The following KPNA7 variants were observed in gnomAD, a reference collection of about 807,000 sequenced individuals.
KPNA7 encodes the protein importin subunit alpha-8.
KPNA7 carries 54 observed loss-of-function variants against 53.7 expected under a neutral mutation model. The observed-to-expected ratio is 1.01, with a 90% CI of 0.81 to 1.26. KPNA7 has a LOEUF of 1.26. Ranked by LOEUF, KPNA7 falls within the 50% of genes most tolerant of loss-of-function variation. The pLI, the probability that KPNA7 is intolerant of heterozygous loss-of-function variation, is 0.00. For synonymous variants in KPNA7, 276 were observed against 259.3 expected, an observed-to-expected ratio of 1.06 and a Z score of -0.62; for missense variants, 640 against 644.5, an observed-to-expected ratio of 0.99 and a Z score of 0.07.
chr7:99,202,851 T>C (rs1790617402), intron 3 of KPNA7, among the ~76,000 whole-genome samples: 1 of 150,862 alleles, frequency 6.6e-6, no homozygotes, highest in South Asian at 2.1e-4. Context: ...TCTCAAAAAA[T>C]AAAAATAAAA....
At chr7:99,158,803 A>G in the KPNA7 span, among the ~76,000 whole-genome samples, 1 of 152,078 alleles carries the variant, frequency 6.6e-6, no homozygotes, top group Non-Finnish European at 1.5e-5. Flanking sequence ...CACTCAGCCC[A>G]GTTCTACTAT....
the KPNA7 span, among the ~76,000 whole-genome samples, chr7:99,163,381 A>ATTTTTTTTTTTTTTTTTTTT: frequency 1.7e-5 from 1 of 58,894 alleles, no homozygotes; most frequent in Non-Finnish European, 3.0e-5. Context: ...ATATATATAT[A>ATTTTTTTTTTTTTTTTTTTT]TATTTTTTTT....
At chr7:99,183,790 C>T (rs750441663) in intron 8 of KPNA7, among the ~76,000 whole-genome samples, 11 of 152,086 alleles carry the variant, frequency 7.2e-5, no homozygotes, top group Non-Finnish European at 1.3e-4. Context: ...AAGAAAAATG[C>T]CAAGGATAGT....
intron 3 of KPNA7, among the ~76,000 whole-genome samples, chr7:99,198,994 C>A (rs1790369825): frequency 1.2e-5 from 1 of 82,072 alleles, no homozygotes. Context: ...ATTTAATTTA[C>A]AACATAAAAA....
At chr7:99,173,079 A>AAAAAAAAG (rs1798800613), downstream of KPNA7, among the ~76,000 whole-genome samples, 1 of 150,760 alleles carries the variant, frequency 6.6e-6, no homozygotes, top group African/African-American at 2.5e-5. Context: ...AAAAAAAAAA[A>AAAAAAAAG]AAAAAGAAAA....
At chr7:99,193,165 A>G in intron 5 of KPNA7, 64 bp from the exon 6 acceptor site, 1 of 1,059,748 alleles carries the variant, frequency 9.4e-7, no homozygotes, top group Non-Finnish European at 1.3e-6. Flanking sequence ...GTGGGTGACT[A>G]ATTTTTTAAG....
At chr7:99,184,891 A>G in intron 8 of KPNA7, 38 bp downstream of exon 8, 1 of 1,513,032 alleles carries the variant, frequency 6.6e-7, no homozygotes, top group Non-Finnish European at 9.0e-7. Flanking sequence ...GCTATTGGAA[A>G]GTAGTCCTTT....
intron 9 of KPNA7, among the ~76,000 whole-genome samples, chr7:99,180,448 G>A (rs1203542369): frequency 6.6e-6 from 1 of 151,840 alleles, no homozygotes; most frequent in Non-Finnish European, 1.5e-5. Flanking sequence ...GCTGCAGTGA[G>A]CGAGGATCAC....
chr7:99,174,941 G>C (rs534786717), intron 10 of KPNA7, among the ~76,000 whole-genome samples: 2 of 151,994 alleles, frequency 1.3e-5, no homozygotes, highest in African/African-American at 2.4e-5. Flanking sequence ...CTCCTGAGTA[G>C]CTGGGATTAT....
At chr7:99,181,215 C>CTCTCTCCGTCTGTCTT in intron 9 of KPNA7, among the ~76,000 whole-genome samples, 1 of 151,102 alleles carries the variant, frequency 6.6e-6, no homozygotes, top group Non-Finnish European at 1.5e-5. Flanking sequence ...GTCTGTGTCT[C>CTCTCTCCGTCTGTCTT]TCTCTCCGTC....
the KPNA7 span, among the ~76,000 whole-genome samples, chr7:99,159,154 C>T: frequency 6.6e-6 from 1 of 151,912 alleles, no homozygotes; most frequent in African/African-American, 2.4e-5. Flanking sequence ...CGTGAGCCAC[C>T]ATGCCCGACA....
At chr7:99,203,409 T>G (rs748626865) in intron 2 of KPNA7, among the ~76,000 whole-genome samples, 169 bp from the exon 3 acceptor site, 2 of 152,184 alleles carry the variant, frequency 1.3e-5, no homozygotes, top group Non-Finnish European at 2.9e-5. Flanking sequence ...CCTCCTCTTC[T>G]GTTTTCTGCT....
intron 5 of KPNA7, among the ~76,000 whole-genome samples, chr7:99,194,665 G>A (rs189686310): frequency 6.6e-6 from 1 of 152,058 alleles, no homozygotes; most frequent in Non-Finnish European, 1.5e-5. Flanking sequence ...GTACAGTGGC[G>A]TTATCTTGGT....
chr7:99,178,095 C>A (rs1265729751), intron 9 of KPNA7, 29 bp from the exon 10 acceptor site: 3 of 1,546,246 alleles, frequency 1.9e-6, no homozygotes, highest in Admixed American at 2.0e-5. Flanking sequence ...GGACATGAGA[C>A]CCCCGGCAGG....
chr7:99,156,725 A>T, the KPNA7 span, among the ~76,000 whole-genome samples: 1 of 151,990 alleles, frequency 6.6e-6, no homozygotes, highest in African/African-American at 2.4e-5. Flanking sequence ...GGGTTTCCTC[A>T]TGTTGGCCAA....
chr7:99,163,288 A>G, the KPNA7 span, among the ~76,000 whole-genome samples: 1 of 148,012 alleles, frequency 6.8e-6, no homozygotes, highest in African/African-American at 2.5e-5. Context: ...TCAATTACAA[A>G]TATATTAAAT....
chr7:99,218,286 T>G (rs1316334888), intron 1 of KPNA7, among the ~76,000 whole-genome samples: 1 of 152,202 alleles, frequency 6.6e-6, no homozygotes, highest in African/African-American at 2.4e-5. Context: ...CATACCTGGC[T>G]GATTTTTTCA....
intron 10 of KPNA7, among the ~76,000 whole-genome samples, chr7:99,174,813 A>ATTT (rs570102879): frequency 9.5e-4 from 139 of 145,844 alleles, no homozygotes; most frequent in East Asian, 1.6e-3. Flanking sequence ...TCTCTTATTT[A>ATTT]TTATTTTTTT....
chr7:99,184,427 C>T (rs531655283), intron 8 of KPNA7, among the ~76,000 whole-genome samples: 1 of 152,262 alleles, frequency 6.6e-6, no homozygotes, highest in East Asian at 1.9e-4. Flanking sequence ...CCTCCCAAAA[C>T]GTCGGAATTA....
Sources: allele counts gnomAD v4.1 joint callset (sites outside exome capture counted in the v4.1 genomes callset), GRCh38; gene constraint gnomAD v4.1.1; transcripts MANE v1.5; gene names NCBI Gene and HGNC (gene_info 2026-07-23, HGNC 2026-07-21).